Variants in OOEP observed in about 807,000 individuals in gnomAD.
OOEP encodes the protein oocyte-expressed protein homolog.
OOEP carries 16 observed loss-of-function variants against 13.7 expected under a neutral mutation model. That is an observed-to-expected ratio of 1.16 (90% CI 0.79 to 1.77). The LOEUF (loss-of-function observed/expected upper bound fraction) is 1.77. OOEP is among the 40% of genes most tolerant of loss of function. OOEP has a pLI of 0.00. For synonymous variants in OOEP, 89 were observed against 77.1 expected (o/e 1.15, Z -0.81); for missense variants, 195 against 193.1 (o/e 1.01, Z -0.06).
rs776288855 is a variant in OOEP at position 73,369,298 on chromosome 6, T to G, written c.278A>C (p.Glu93Ala). The G allele has an allele frequency of 1.7e-5, 27 of 1,613,780 alleles. No homozygotes were observed. In the East Asian group the frequency reaches 6.0e-4, roughly 36 times the overall value. Reference protein sequence around the residue: ...VDIVDSGNLVEITVFGRPRVQ... With the variant: ...VDIVDSGNLVAITVFGRPRVQ... The stretch of plus-strand genomic sequence containing the variant: ...ACGGGGCCGCCCGAAAACGGTGATT[T>G]CGACTAGGTTCCCTGAGTCCACTAT... The change falls in exon 2 of 3, where the codon GAA becomes GCA. Residue 93 changes from glutamate (E) to alanine (A), a missense_variant. By Grantham distance (107) the Glu-to-Ala change is moderately radical. Coordinates refer to ENST00000370359, the MANE Select transcript of OOEP (RefSeq NM_001080507.3).
At chr6:73,377,424 A>G (rs1052060787) in intron 2 of OOEP, among the ~76,000 whole-genome samples, 4 of 22,880 alleles carry the variant, frequency 1.7e-4, no homozygotes, top group East Asian at 6.1e-3. Context: ...CAACCTGCTC[A>G]TGCATGCAAG....
At chr6:73,377,167 C>G (rs1459459848) in intron 2 of OOEP, among the ~76,000 whole-genome samples, 2 of 152,170 alleles carry the variant, frequency 1.3e-5, no homozygotes, top group African/African-American at 2.4e-5. Context: ...AATCTTAAGC[C>G]AGCCTTGGTG....
At chr6:73,372,555 A>T (rs972737360), upstream of OOEP, among the ~76,000 whole-genome samples, 10 of 152,180 alleles carry the variant, frequency 6.6e-5, no homozygotes, top group Admixed American at 6.6e-4. Flanking sequence ...GGGGAGACCG[A>T]TAGGCCTTTG....
chr6:73,370,271 C>T (rs1001305732), upstream of OOEP, among the ~76,000 whole-genome samples: 1 of 152,182 alleles, frequency 6.6e-6, no homozygotes, highest in Non-Finnish European at 1.5e-5. Flanking sequence ...TTTCTCTGTT[C>T]TGCTCCCTGT....
At chr6:73,388,919 C>G (rs1212779709) in intron 2 of OOEP, among the ~76,000 whole-genome samples, 1 of 151,952 alleles carries the variant, frequency 6.6e-6, no homozygotes. Context: ...CTGGCGGAGT[C>G]GGAGGAATAA....
chr6:73,394,309 T>TA (rs1769405317), intron 2 of OOEP: 1 of 714,720 alleles, frequency 1.4e-6, no homozygotes, highest in Non-Finnish European at 2.6e-6. Flanking sequence ...TCAAGTTTTT[T>TA]ATGTGTGGAT....
chr6:73,375,120 C>T (rs1195314638), intron 2 of OOEP, among the ~76,000 whole-genome samples: 1 of 152,220 alleles, frequency 6.6e-6, no homozygotes, highest in Admixed American at 6.6e-5. Context: ...AGCCACCACA[C>T]CCAGCCAACT....
Position 73,369,348 on chromosome 6 carries a change from C to A in OOEP, c.228G>T (p.Thr76=). The part of the protein sequence containing the change: ...DRAIIPEMEW[T]SQALLTVDIV... ...TGTCCACTGTCAGCAGGGCCTGGCTCGTCCACTCCATTTCTGGAATTATGG... is the reference window on the plus strand; with the variant it reads ...TGTCCACTGTCAGCAGGGCCTGGCTAGTCCACTCCATTTCTGGAATTATGG... The change falls in exon 2 of 3, where the codon ACG becomes ACT. Residue 76 remains threonine, a synonymous_variant. Coordinates refer to ENST00000370359, the MANE Select transcript of OOEP (RefSeq NM_001080507.3). 1 of 1,613,448 alleles carries A rather than the reference C, an allele frequency of 6.2e-7. No homozygotes were observed.
chr6:73,389,835 TAAAGTA>T (rs1288485140), intron 2 of OOEP, among the ~76,000 whole-genome samples: 2 of 152,294 alleles, frequency 1.3e-5, no homozygotes, highest in African/African-American at 2.4e-5. Context: ...CCATAAAACT[TAAAGTA>T]TAATAATAAA....
intron 2 of OOEP, among the ~76,000 whole-genome samples, chr6:73,381,466 A>G (rs1418849078): frequency 6.6e-6 from 1 of 152,216 alleles, no homozygotes. Flanking sequence ...CAAAATTGAA[A>G]GCTAGTTGAA....
At chr6:73,391,279 A>G (rs1448868726) in intron 2 of OOEP, 1 of 152,500 alleles carries the variant, frequency 6.6e-6, no homozygotes, top group Non-Finnish European at 1.5e-5. Flanking sequence ...TGTGTGTCTT[A>G]TCTTTGTTAT....
chr6:73,373,380 A>G, upstream of OOEP: 1 of 1,032,050 alleles, frequency 9.7e-7, no homozygotes, highest in Non-Finnish European at 1.5e-6. Flanking sequence ...GCTAGAGTGC[A>G]GTGGCACGAT....
chr6:73,375,791 CTTTTT>C (rs35879934), intron 2 of OOEP, among the ~76,000 whole-genome samples: 1 of 106,658 alleles, frequency 9.4e-6, no homozygotes. Flanking sequence ...AATGATCTCC[CTTTTT>C]TTTTTTTTTT....
intron 2 of OOEP, chr6:73,391,100 C>T (rs1388885849): frequency 6.6e-6 from 1 of 152,044 alleles, no homozygotes. Context: ...GCAATTTGTT[C>T]CTGGTGTTTT....
chr6:73,384,217 A>G (rs1024031836), intron 2 of OOEP, among the ~76,000 whole-genome samples: 14 of 152,234 alleles, frequency 9.2e-5, no homozygotes, highest in Admixed American at 3.3e-4. Context: ...GATGGAATGA[A>G]TAAGTTCCTA....
intron 2 of OOEP, 108 bp from the exon 3 acceptor site, chr6:73,368,971 T>C: frequency 1.1e-6 from 1 of 930,762 alleles, no homozygotes; most frequent in Non-Finnish European, 1.7e-6. Flanking sequence ...GCGATAGTGC[T>C]GTAACCCAGG....
exon 1 of OOEP, chr6:73,395,008 T>C (rs143091863): frequency 9.2e-5 from 149 of 1,613,846 alleles, no homozygotes; most frequent in Non-Finnish European, 4.9e-5. Context: ...GGCGGAGGAG[T>C]TGAATCGAAC....
At chr6:73,391,306 A>G (rs368107164) in intron 2 of OOEP, 19 of 152,828 alleles carry the variant, frequency 1.2e-4, no homozygotes, top group African/African-American at 4.3e-4. Context: ...GAGCTTTCTT[A>G]TAACATATTG....
upstream of OOEP, among the ~76,000 whole-genome samples, chr6:73,374,671 C>G (rs1262817268): frequency 6.6e-6 from 1 of 152,176 alleles, no homozygotes; most frequent in Non-Finnish European, 1.5e-5. Flanking sequence ...ACCCTCCTGC[C>G]TTGGTCTCCC....
Sources: gnomAD v4.1 joint callset for allele counts (sites outside exome capture counted in the v4.1 genomes callset) on GRCh38, gnomAD v4.1.1 for gene constraint, MANE v1.5 for transcripts, NCBI Gene and HGNC (gene_info 2026-07-23, HGNC 2026-07-21) for gene names.